The following ADGRG1 variants were observed in gnomAD, a reference collection of about 807,000 sequenced individuals.
The protein encoded by ADGRG1 is adhesion G protein-coupled receptor G1.
A neutral mutation model predicts 73.5 loss-of-function variants in ADGRG1; 53 were observed. The ratio of observed to expected loss-of-function variants is 0.72; its 90% CI spans 0.58 to 0.91. The LOEUF (loss-of-function observed/expected upper bound fraction) is 0.91. ADGRG1 is among the 40% of genes least tolerant of loss of function. The pLI is 0.00. For synonymous variants in ADGRG1, 394 were observed against 374.4 expected, an observed-to-expected ratio of 1.05 and a Z score of -0.60; for missense variants, 795 against 871.8, an observed-to-expected ratio of 0.91 and a Z score of 1.11.
rs776962068 is a variant in ADGRG1, at chr16:57,655,425, C to T, written c.795C>T (p.Tyr265=). 2.2e-5 allele frequency: 36 copies of T among 1,613,638 alleles called. No individual in the cohort carries two copies. The highest frequency in any genetic ancestry group is 3.0e-5 in the Non-Finnish European group (35 of 1,180,014). Residue 265 remains tyrosine, a synonymous_variant, in exon 6 of 14, where the codon TAC becomes TAT. Coordinates refer to ENST00000562631, the MANE Select transcript of ADGRG1 (RefSeq NM_201525.4). ...AGGAGCAGAGCGAGATCATGGAGTA[C>T]TCGGTGCTGCTGCCTCGAACACTCT... ...QEEEQSEIME[Y]SVLLPRTLFQ... is the part of the protein sequence containing the mutation.
intron 1 of ADGRG1, chr16:57,629,175 G>A (rs937126721): frequency 9.3e-5 from 92 of 985,080 alleles, no homozygotes; most frequent in Non-Finnish European, 1.1e-4. Context: ...AAATGGGGGG[G>A]TCTTGGTATC....
chr16:57,652,530 T>C (rs1463655761), intron 3 of ADGRG1: 2 of 667,582 alleles, frequency 3.0e-6, no homozygotes, highest in Non-Finnish European at 1.9e-6. Context: ...TTGATCCTAG[T>C]TGCAAATTGG....
intron 12 of ADGRG1, chr16:57,661,257 T>C: frequency 1.0e-6 from 1 of 984,328 alleles, no homozygotes; most frequent in Non-Finnish European, 1.2e-6. Flanking sequence ...CACTGAGGGC[T>C]GGTGTGCTGT....
At position 57,653,327 on chromosome 16, in the gene ADGRG1, C is replaced by T. The variant is rs147495708; in HGVS notation, c.612C>T (p.Pro204=). ...CCTCAAGGAGGCCCTCGGCTGCCCC[C>T]GCCAGCCAGTAAGTTTGGCACCTGG... ...QKASRRPSAA[P]ASQQLQSLES... The change falls in exon 4 of 14, where the codon CCC becomes CCT. Residue 204 remains proline, a synonymous_variant. Coordinates refer to ENST00000562631, the MANE Select transcript of ADGRG1 (RefSeq NM_201525.4). 1,078 of 1,609,364 alleles carry T rather than the reference C, an allele frequency of 6.7e-4. 3 individuals carry two copies. Among genetic ancestry groups the T allele is most frequent in the Admixed American group, 1.1e-3 (64 of 60,008 alleles).
At chr16:57,654,646 G>A (rs529907050) in intron 5 of ADGRG1, among the ~76,000 whole-genome samples, 61 of 152,194 alleles carry the variant, frequency 4.0e-4, no homozygotes, top group African/African-American at 1.3e-3. Flanking sequence ...TTGGGAGGCC[G>A]AGGCAGGCAG....
chr16:57,620,496 A>C (rs1257900104), upstream of ADGRG1, among the ~76,000 whole-genome samples: 1 of 152,140 alleles, frequency 6.6e-6, no homozygotes, highest in Non-Finnish European at 1.5e-5. Context: ...GCAGGACCTG[A>C]AGTCTCCTGC....
chr16:57,624,755 CTCTCA>C, upstream of ADGRG1: 1 of 976,096 alleles, frequency 1.0e-6, no homozygotes, highest in Middle Eastern at 5.3e-4. Flanking sequence ...TGTCCTGAGG[CTCTCA>C]TGTTCTTGAA....
chr16:57,641,620 C>T, intron 1 of ADGRG1: 1 of 901,966 alleles, frequency 1.1e-6, no homozygotes, highest in African/African-American at 1.9e-5. Flanking sequence ...GGCTGGAGTG[C>T]AGTGGTGTGA....
intron 1 of ADGRG1, chr16:57,644,088 C>G: frequency 1.0e-6 from 1 of 985,248 alleles, no homozygotes; most frequent in South Asian, 4.7e-5. Flanking sequence ...CTGCAAGAGC[C>G]CTGCTCTTTG....
chr16:57,637,634 C>A, intron 1 of ADGRG1: 1 of 985,356 alleles, frequency 1.0e-6, no homozygotes. Flanking sequence ...CCTCTTCCTC[C>A]GGGGGCCAAA....
At chr16:57,649,491 G>C (rs1165839764) in intron 1 of ADGRG1, among the ~76,000 whole-genome samples, 2 of 152,118 alleles carry the variant, frequency 1.3e-5, no homozygotes, top group African/African-American at 4.8e-5. Flanking sequence ...GGGCTTCCTG[G>C]AGGAGGTGTC....
chr16:57,640,031 C>T (rs888235010), intron 1 of ADGRG1: 1 of 189,016 alleles, frequency 5.3e-6, no homozygotes, highest in Non-Finnish European at 9.8e-6. Context: ...TCTTTTGGGT[C>T]CCTGGGCTGC....
At chr16:57,659,996 G>A (rs2046687880) in intron 11 of ADGRG1, among the ~76,000 whole-genome samples, 1 of 152,230 alleles carries the variant, frequency 6.6e-6, no homozygotes, top group Admixed American at 6.5e-5. Flanking sequence ...AGATCAGAGG[G>A]GCTGAAATCC....
upstream of ADGRG1, chr16:57,624,844 C>A: frequency 7.0e-6 from 2 of 285,810 alleles, no homozygotes; most frequent in South Asian, 1.3e-4. Flanking sequence ...GTGCCCTGGC[C>A]AATGCATTGG....
chr16:57,638,768 G>A (rs1399800242), intron 1 of ADGRG1, among the ~76,000 whole-genome samples: 1 of 152,102 alleles, frequency 6.6e-6, no homozygotes, highest in African/African-American at 2.4e-5. Flanking sequence ...CCTGCACTGG[G>A]TTCTAAAAAG....
intron 1 of ADGRG1, chr16:57,641,627 G>A (rs2040861200): frequency 1.1e-6 from 1 of 885,290 alleles, no homozygotes; most frequent in Non-Finnish European, 1.3e-6. Context: ...GTGCAGTGGT[G>A]TGATCTTGGC....
At chr16:57,660,940 C>A in intron 12 of ADGRG1, 64 bp downstream of exon 12, 2 of 991,426 alleles carry the variant, frequency 2.0e-6, no homozygotes, top group Non-Finnish European at 3.2e-6. Flanking sequence ...CAGAGTGCAG[C>A]CCGGGCCCAG....
intron 10 of ADGRG1, 59 bp downstream of exon 10, chr16:57,657,550 AG>A: frequency 8.0e-7 from 1 of 1,252,972 alleles, no homozygotes; most frequent in Non-Finnish European, 1.2e-6. Context: ...CACCTCCACC[AG>A]GGCGCCGCAC....
At chr16:57,647,373 G>C (rs955878738) in intron 1 of ADGRG1, 46 of 983,082 alleles carry the variant, frequency 4.7e-5, no homozygotes, top group Non-Finnish European at 5.1e-5. Context: ...GGAAGAGGGG[G>C]AAACAGGGAG....
Sources: allele counts gnomAD v4.1 joint callset (sites outside exome capture counted in the v4.1 genomes callset), GRCh38; gene constraint gnomAD v4.1.1; transcripts MANE v1.5; gene names NCBI Gene and HGNC (gene_info 2026-07-23, HGNC 2026-07-21).